NFYC: variants seen among roughly 807,000 people sequenced by gnomAD.
The protein encoded by NFYC is nuclear transcription factor Y subunit gamma, also known as CAAT box DNA-binding protein subunit C.
NFYC carries 25 observed loss-of-function variants against 53.1 expected under a neutral mutation model. The observed-to-expected ratio is 0.47, with a 90% CI of 0.34 to 0.66. The LOEUF is 0.66. NFYC is among the 30% of genes least tolerant of loss of function. The pLI is 0.01. For missense variants in NFYC, 260 were observed against 422.7 expected, an observed-to-expected ratio of 0.62 and a Z score of 3.38; for synonymous variants, 145 against 152.6, an observed-to-expected ratio of 0.95 and a Z score of 0.37.
At chr1:40,701,604 C>T (rs1224860633) in intron 1 of NFYC, among the ~76,000 whole-genome samples, 2 of 152,190 alleles carry the variant, frequency 1.3e-5, no homozygotes, top group African/African-American at 4.8e-5. Context: ...AGGTGCTATG[C>T]TTATGTCCTC....
chr1:40,698,088 C>G (rs1643244702), intron 1 of NFYC, among the ~76,000 whole-genome samples: 1 of 152,180 alleles, frequency 6.6e-6, no homozygotes, highest in Non-Finnish European at 1.5e-5. Context: ...TCTGGTCAGG[C>G]ACAGTGGCTC....
chr1:40,726,408 G>A (rs537669747), intron 1 of NFYC, among the ~76,000 whole-genome samples: 2 of 151,214 alleles, frequency 1.3e-5, no homozygotes, highest in Admixed American at 6.6e-5. Flanking sequence ...GTGAGCCACC[G>A]CATCTGGCCT....
In NFYC at chr1:40,770,967, C is replaced by G. The variant is rs1253422005; in HGVS notation, c.*139C>G. 1.2e-6 allele frequency: 1 copy of G among 819,248 alleles called. No individual in the cohort carries two copies. Among genetic ancestry groups the G allele is most frequent in the East Asian group, 2.5e-5 (1 of 39,660 alleles). The allele number at this position is 819,248 out of a possible 1,614,324, so 50.7% of individuals were successfully genotyped here. A position where few individuals can be genotyped will look rare whatever the true frequency, so the allele number is the denominator to read the frequency against. ...GGCTAGGACACTGGTGCACTACACC[C>G]CATGCCTGGGGGCCGAGATTCTCCA... On this transcript the variant is annotated 3_prime_UTR_variant, in exon 10 of 10. Transcript: ENST00000447388. This position sits in a 1 kb window ranked among gnomAD's most constrained non-coding sequence, Gnocchi z 5.3.
intron 1 of NFYC, among the ~76,000 whole-genome samples, chr1:40,717,312 T>C (rs1267798829): frequency 1.3e-5 from 2 of 152,326 alleles, no homozygotes; most frequent in African/African-American, 4.8e-5. Flanking sequence ...CACCCCTGTT[T>C]TCTGAGTGTG....
chr1:40,728,927 T>A (rs1644642904), intron 1 of NFYC, among the ~76,000 whole-genome samples: 1 of 152,214 alleles, frequency 6.6e-6, no homozygotes, highest in African/African-American at 2.4e-5. Context: ...CGTGAGCCAC[T>A]GCTCCCAGCC....
chr1:40,758,002 A>G (rs1039088083), intron 5 of NFYC, 119 bp from the exon 6 acceptor site: 104 of 1,064,532 alleles, frequency 9.8e-5, no homozygotes, highest in Non-Finnish European at 1.4e-4. Context: ...TCAAATGTGG[A>G]GAGCTCAGCA....
chr1:40,728,729 C>T (rs1305936251), intron 1 of NFYC, among the ~76,000 whole-genome samples: 1 of 152,064 alleles, frequency 6.6e-6, no homozygotes, highest in Non-Finnish European at 1.5e-5. Flanking sequence ...CCTCTGCCTC[C>T]TGGGTTTAAG....
In NFYC at chr1:40,771,500, G is replaced by GA. The variant is rs1243068926; in HGVS notation, c.*672_*673insA. 10 of 463,468 alleles carry GA rather than the reference G, an allele frequency of 2.2e-5. No homozygotes were observed. The highest frequency in any genetic ancestry group is 1.2e-4 in the African/African-American group (6 of 49,576). The allele number at this position is 463,468 out of a possible 1,614,324, so 28.7% of individuals were successfully genotyped here. On this transcript the variant is annotated 3_prime_UTR_variant, in exon 10 of 10. Coordinates refer to ENST00000447388, the MANE Select transcript of NFYC (RefSeq NM_014223.5). Reference sequence around the variant, plus strand: ...CAGGAAACTAGGACTTTGTGTGTTTGCTGCCCACCTCCCTTTTATTTTTTA... The same window carrying GA: ...CAGGAAACTAGGACTTTGTGTGTTTGACTGCCCACCTCCCTTTTATTTTTTA...
intron 1 of NFYC, among the ~76,000 whole-genome samples, chr1:40,708,505 A>T (rs1643827079): frequency 6.6e-6 from 1 of 151,850 alleles, no homozygotes; most frequent in African/African-American, 2.4e-5. Flanking sequence ...CTTTTTTGTC[A>T]TTCCCCCCAA....
intron 1 of NFYC, among the ~76,000 whole-genome samples, chr1:40,696,547 A>G (rs1570276400): frequency 6.6e-6 from 1 of 152,348 alleles, no homozygotes; most frequent in Admixed American, 6.5e-5. Flanking sequence ...TCTTGCCCAG[A>G]TCACTGGATT....
chr1:40,767,232 G>A, intron 8 of NFYC: 1 of 477,422 alleles, frequency 2.1e-6, no homozygotes, highest in South Asian at 2.2e-5. Context: ...TGGGGGTGTT[G>A]AGGGACATGG....
chr1:40,736,714 C>T (rs971156863), intron 1 of NFYC, among the ~76,000 whole-genome samples: 4 of 149,690 alleles, frequency 2.7e-5, no homozygotes, highest in South Asian at 2.1e-4. Context: ...ATCTGAAATC[C>T]GAAACTTTTT....
At position 40,718,880 on chromosome 1, in the gene NFYC, GTTTTGTTTTT is replaced by G. The variant is rs1194318690; in HGVS notation, c.-8-19955_-8-19946del. 4.6e-5 allele frequency among the ~76,000 whole-genome samples: 7 copies of G among 150,710 alleles called. 1 individual carries two copies. The highest frequency in any genetic ancestry group is 2.0e-4 in the Admixed American group (3 of 15,198). ...GGTTTTTTTTGTTTTGTTTTGTTTT[GTTTTGTTTTT>G]GAGACGGAGTCTTGCTCTGTCGCCA... On this transcript the variant is annotated intron_variant, in intron 1 of 9. Transcript: ENST00000447388.
At chr1:40,701,971 C>T (rs756929047) in intron 1 of NFYC, among the ~76,000 whole-genome samples, 1 of 152,142 alleles carries the variant, frequency 6.6e-6, no homozygotes, top group Admixed American at 6.5e-5. Context: ...TGCTGCTGCA[C>T]ATGACTGCTC....
intron 8 of NFYC, chr1:40,767,089 A>C: frequency 9.6e-7 from 1 of 1,046,884 alleles, no homozygotes; most frequent in Non-Finnish European, 1.4e-6. Flanking sequence ...GCTCTTTGGA[A>C]AGCTTACTTA....
At chr1:40,769,263 C>G in intron 8 of NFYC, 93 bp from the exon 9 acceptor site, 4 of 1,293,180 alleles carry the variant, frequency 3.1e-6, no homozygotes, top group Non-Finnish European at 4.5e-6. Flanking sequence ...TATGCATTGT[C>G]TCATTTGATC....
In NFYC at chr1:40,771,063, G is replaced by A. The variant is rs1647063737; in HGVS notation, c.*235G>A. The A allele has an allele frequency of 1.7e-6, 1 of 577,854 alleles. No homozygotes were observed. The highest frequency in any genetic ancestry group is 3.1e-6 in the Non-Finnish European group (1 of 324,960). The allele number at this position is 577,854 out of a possible 1,614,324, so 35.8% of individuals were successfully genotyped here. A position where few individuals can be genotyped will look rare whatever the true frequency, so the allele number is the denominator to read the frequency against. On this transcript the variant is annotated 3_prime_UTR_variant, in exon 10 of 10. Transcript: ENST00000447388. ...CTCTAAGGAATCAATATTTCAATAT[G>A]TTGAGTGTGTGTCCAATGCTATGAA...
intron 1 of NFYC, among the ~76,000 whole-genome samples, chr1:40,730,127 C>T (rs985551063): frequency 6.6e-6 from 1 of 151,994 alleles, no homozygotes; most frequent in African/African-American, 2.4e-5. Flanking sequence ...CCTCCCACCT[C>T]AGCCTTCTGA....
chr1:40,739,831 T>C (rs761675821), intron 2 of NFYC, among the ~76,000 whole-genome samples: 1 of 152,184 alleles, frequency 6.6e-6, no homozygotes, highest in Non-Finnish European at 1.5e-5. Flanking sequence ...TTGTTGAGTC[T>C]TAAAATATGA....
Sources: allele counts gnomAD v4.1 joint callset (sites outside exome capture counted in the v4.1 genomes callset), GRCh38; gene constraint gnomAD v4.1.1; non-coding constraint Gnocchi (gnomAD v3.1); transcripts MANE v1.5; gene names NCBI Gene and HGNC (gene_info 2026-07-23, HGNC 2026-07-21).